The following CNTN5 variants were observed in gnomAD, a reference collection of about 807,000 sequenced individuals.
CNTN5 encodes contactin-5.
Under a neutral mutation model 129.1 loss-of-function variants are expected in CNTN5, and 77 were observed. The observed-to-expected ratio is 0.60, with a 90% confidence interval of 0.50 to 0.72. The LOEUF is 0.72. CNTN5 is among the 30% of genes least tolerant of loss of function. The pLI is 0.00. For missense variants in CNTN5, 1,478 were observed against 1,328.8 expected (o/e 1.11, Z -1.75); for synonymous variants, 509 against 465.6 (o/e 1.09, Z -1.20).
chr11:100,176,364 G>A (rs1323217123), intron 13 of CNTN5, among the ~76,000 whole-genome samples: 1 of 143,926 alleles, frequency 6.9e-6, no homozygotes, highest in Non-Finnish European at 1.5e-5. Flanking sequence ...TTGTTATAAC[G>A]TTACATTGTA....
intron 6 of CNTN5, among the ~76,000 whole-genome samples, chr11:99,896,895 C>A (rs988108459): frequency 2.6e-5 from 4 of 152,066 alleles, no homozygotes; most frequent in Non-Finnish European, 4.4e-5. Context: ...ACCCAGAGCC[C>A]TGTTAAAAAC....
At chr11:99,972,760 G>A (rs1334300603) in intron 8 of CNTN5, among the ~76,000 whole-genome samples, 2 of 152,048 alleles carry the variant, frequency 1.3e-5, no homozygotes, top group African/African-American at 4.8e-5. Flanking sequence ...TCTTGTTTGT[G>A]GTATTTCCTC....
intron 2 of CNTN5, among the ~76,000 whole-genome samples, chr11:99,508,928 G>A (rs531518616): frequency 1.6e-4 from 24 of 152,164 alleles, no homozygotes; most frequent in African/African-American, 5.3e-4. Context: ...TGATCAGCCC[G>A]CCGCAGCCTC....
At chr11:99,472,870 A>G (rs1945228205) in intron 2 of CNTN5, among the ~76,000 whole-genome samples, 1 of 152,152 alleles carries the variant, frequency 6.6e-6, no homozygotes, top group Non-Finnish European at 1.5e-5. Flanking sequence ...GTTCATCTCT[A>G]GAAAATCATT....
At chr11:99,883,017 G>A (rs1345280664) in intron 6 of CNTN5, among the ~76,000 whole-genome samples, 1 of 152,106 alleles carries the variant, frequency 6.6e-6, no homozygotes, top group African/African-American at 2.4e-5. Flanking sequence ...ACAACCTCTA[G>A]TTCCATCCAT....
chr11:100,166,876 T>G (rs1947655180), intron 13 of CNTN5, among the ~76,000 whole-genome samples: 1 of 151,830 alleles, frequency 6.6e-6, no homozygotes, highest in South Asian at 2.1e-4. Context: ...TCATATGGTG[T>G]GAAGGACTAA....
chr11:100,221,591 A>G, intron 15 of CNTN5, among the ~76,000 whole-genome samples: 1 of 152,216 alleles, frequency 6.6e-6, no homozygotes, highest in East Asian at 1.9e-4. Flanking sequence ...TATGTAAATG[A>G]CATACCCCTG....
In CNTN5 at chr11:100,082,224, C is replaced by G. The variant is rs1944394248; in HGVS notation, c.1580+7930C>G. On this transcript the variant is annotated intron_variant, in intron 13 of 24. Transcript: ENST00000524871. ...TGGTGGCAACGCAAGTAAATATAGT[C>G]ATAGTCCATATAGGAAAAATTAAAG... 2.6e-5 allele frequency among the ~76,000 whole-genome samples: 4 copies of G among 152,220 alleles called. No individual in the cohort carries two copies. The South Asian group carries it at 8.3e-4, about 32-fold the overall frequency.
At chr11:99,705,834 A>T (rs980384735) in intron 3 of CNTN5, among the ~76,000 whole-genome samples, 1 of 151,360 alleles carries the variant, frequency 6.6e-6, no homozygotes, top group African/African-American at 2.4e-5. Flanking sequence ...ATGAGATTAC[A>T]TAGTCCTGAT....
At chr11:99,527,793 G>A (rs1341635454) in intron 2 of CNTN5, among the ~76,000 whole-genome samples, 1 of 152,130 alleles carries the variant, frequency 6.6e-6, no homozygotes, top group African/African-American at 2.4e-5. Context: ...AAGGCATAAG[G>A]CAAAGGCAGA....
chr11:99,408,565 C>T (rs537593944), intron 2 of CNTN5, among the ~76,000 whole-genome samples: 15 of 151,810 alleles, frequency 9.9e-5, no homozygotes, highest in African/African-American at 2.9e-4. Flanking sequence ...AAATCCTGAC[C>T]GCAAGGCATC....
chr11:99,358,589 T>A (rs2136102629), intron 2 of CNTN5, among the ~76,000 whole-genome samples: 1 of 152,014 alleles, frequency 6.6e-6, no homozygotes, highest in Admixed American at 6.5e-5. Context: ...AAATAAATTG[T>A]CATTCTTAAT....
At chr11:99,929,496 C>T (rs954077905) in intron 7 of CNTN5, among the ~76,000 whole-genome samples, 5 of 152,084 alleles carry the variant, frequency 3.3e-5, no homozygotes, top group Non-Finnish European at 5.9e-5. Flanking sequence ...AAAGGAAAAA[C>T]GTTTAATTGG....
chr11:99,528,652 G>C, intron 2 of CNTN5, among the ~76,000 whole-genome samples: 1 of 152,208 alleles, frequency 6.6e-6, no homozygotes, highest in South Asian at 2.1e-4. Flanking sequence ...TTGAGAACCA[G>C]AGAAGCTGAT....
intron 2 of CNTN5, among the ~76,000 whole-genome samples, chr11:99,439,346 T>C (rs1392770063): frequency 6.6e-6 from 1 of 151,868 alleles, no homozygotes; most frequent in Non-Finnish European, 1.5e-5. Flanking sequence ...AGAGGAAATA[T>C]GCACTGTGAA....
intron 9 of CNTN5, among the ~76,000 whole-genome samples, chr11:100,023,358 T>C (rs1941262080): frequency 6.6e-6 from 1 of 152,196 alleles, no homozygotes; most frequent in African/African-American, 2.4e-5. Flanking sequence ...CTTTATTGTT[T>C]AGAGCAGTTT....
intron 7 of CNTN5, among the ~76,000 whole-genome samples, chr11:99,938,684 T>C (rs1453820648): frequency 6.6e-6 from 1 of 152,122 alleles, no homozygotes; most frequent in Non-Finnish European, 1.5e-5. Flanking sequence ...ACTAATAACA[T>C]AATCAATTTA....
chr11:99,157,322 A>C (rs1591289032), intron 1 of CNTN5, among the ~76,000 whole-genome samples: 1 of 152,076 alleles, frequency 6.6e-6, no homozygotes, highest in Non-Finnish European at 1.5e-5. Context: ...TTAAGAAACT[A>C]TCCTGTTATA....
At chr11:99,391,121 C>T (rs1941237378) in intron 2 of CNTN5, among the ~76,000 whole-genome samples, 1 of 151,962 alleles carries the variant, frequency 6.6e-6, no homozygotes, top group Non-Finnish European at 1.5e-5. Context: ...TCTAAAACTC[C>T]AAGTTTATTT....
Sources: allele counts gnomAD v4.1 joint callset (sites outside exome capture counted in the v4.1 genomes callset), GRCh38; gene constraint gnomAD v4.1.1; transcripts MANE v1.5; gene names NCBI Gene and HGNC (gene_info 2026-07-23, HGNC 2026-07-21).